Variants in AWAT1 observed in about 807,000 individuals in gnomAD.
The protein encoded by AWAT1 is diacyl-glycerol acyltransferase 2.
AWAT1 carries 26 observed loss-of-function variants against 21.6 expected under a neutral mutation model. The ratio of observed to expected loss-of-function variants is 1.20; its 90% CI spans 0.88 to 1.67. The LOEUF is 1.67. Ranked by LOEUF, AWAT1 falls within the 40% of genes most tolerant of loss-of-function variation. The pLI, the probability that AWAT1 is intolerant of heterozygous loss-of-function variation, is 0.00. For synonymous variants in AWAT1, 102 were observed against 99.3 expected, an observed-to-expected ratio of 1.03 and a Z score of -0.16; for missense variants, 264 against 249.4, an observed-to-expected ratio of 1.06 and a Z score of -0.39.
At position 70,239,774 on chromosome X, in the gene AWAT1, G is replaced by A. The variant is rs1471702792; in HGVS notation, c.672G>A (p.Glu224=). ...LVPTFTFGET[E]VYDQVLFHKD... ...CCACCTTCACTTTTGGGGAAACTGA[G>A]GTGTATGATCAGGTGCTGTTCCATA... The change falls in exon 6 of 7, where the codon GAG becomes GAA. Residue 224 remains glutamate, a synonymous_variant. Transcript: ENST00000374521. 4 of 1,211,458 alleles carry A rather than the reference G, an allele frequency of 3.3e-6. No individual in the cohort carries two copies. The Admixed American group carries it at 6.5e-5, about 20-fold the overall frequency.
intron 5 of AWAT1, among the ~76,000 whole-genome samples, chrX:70,238,830 C>T (rs1329817753): frequency 1.8e-5 from 2 of 112,324 alleles, no homozygotes; most frequent in African/African-American, 3.2e-5. Flanking sequence ...AGAACTGTAC[C>T]TACTCCATAG....
At position 70,237,244 on chromosome X, in the gene AWAT1, C is replaced by G. The variant is rs772863169; in HGVS notation, c.456C>G (p.Ala152=). Residue 152 remains alanine, a synonymous_variant, in exon 4 of 7, where the codon GCC becomes GCG. Transcript: ENST00000374521. ...KIPFVREYLM[A]KGVCSVSQPA... is the part of the protein sequence containing the mutation. ...CCTTTGTTAGGGAGTACCTCATGGC[C>G]AAAGGTGCTTCTGACCATACTTACT... 22 of 1,199,820 alleles carry G rather than the reference C, an allele frequency of 1.8e-5. No individual in the cohort carries two copies. The highest frequency in any genetic ancestry group is 1.9e-5 in the Non-Finnish European group (17 of 888,558).
chrX:70,239,965 T>C (rs749976162), intron 6 of AWAT1, 31 bp downstream of exon 6: 1 of 1,183,718 alleles, frequency 8.4e-7, no homozygotes, highest in African/African-American at 1.7e-5. Context: ...CAGTGCCACC[T>C]CAGGTTTCTC....
chrX:70,237,373 A>G (rs2085518741), intron 4 of AWAT1, 125 bp downstream of exon 4: 3 of 640,658 alleles, frequency 4.7e-6, no homozygotes, highest in Non-Finnish European at 4.8e-6. Flanking sequence ...AGTCAAAAGC[A>G]TATGTTCTAG....
At chrX:70,234,954 G>C (rs1043834373) in intron 1 of AWAT1, among the ~76,000 whole-genome samples, 183 bp downstream of exon 1, 3 of 109,028 alleles carry the variant, frequency 2.8e-5, no homozygotes, top group African/African-American at 1.0e-4. Context: ...ATGAGATAGA[G>C]CCCCAGGAGA....
chrX:70,239,594 C>T (rs986549823), intron 5 of AWAT1, 141 bp from the exon 6 acceptor site: 11 of 523,593 alleles, frequency 2.1e-5, no homozygotes, highest in Non-Finnish European at 2.9e-5. Flanking sequence ...ATAGGGAAAC[C>T]CTGTTTAGTG....
chrX:70,240,531 G>A lies in AWAT1; in HGVS notation c.*241G>A, dbSNP rs907436168. The A allele has an allele frequency of 2.7e-6, 1 of 370,270 alleles. No homozygotes were observed. Among genetic ancestry groups the A allele is most frequent in the African/African-American group, 2.5e-5 (1 of 39,677 alleles). The allele number at this position is 370,270 out of a possible 1,213,427, so 30.5% of individuals were successfully genotyped here. ...CCCTCATGCTGGGGCCTGATGCCTG[G>A]TCATCATTTGAGTCCTCTGGGACAC... is the stretch of plus-strand genomic sequence containing the variant. On this transcript the variant is annotated 3_prime_UTR_variant, in exon 7 of 7. Coordinates refer to ENST00000374521, the MANE Select transcript of AWAT1 (RefSeq NM_001013579.3).
chrX:70,234,662 T>G lies in AWAT1; in HGVS notation c.-34T>G. 1.7e-6 allele frequency: 2 copies of G among 1,175,663 alleles called. No homozygotes were observed. Among genetic ancestry groups the G allele is most frequent in the Non-Finnish European group, 2.3e-6 (2 of 863,508 alleles). ...GGCACCTTTGGTTGGAACACTGTTCTGAGATCTTTGCCTCCCTCAGGCTCC... is the reference window on the plus strand; with the variant it reads ...GGCACCTTTGGTTGGAACACTGTTCGGAGATCTTTGCCTCCCTCAGGCTCC... On this transcript the variant is annotated 5_prime_UTR_variant, in exon 1 of 7. Coordinates refer to ENST00000374521, the MANE Select transcript of AWAT1 (RefSeq NM_001013579.3).
rs2085518273 is a variant in AWAT1 at position 70,237,264 on chromosome X, C to T, written c.460+16C>T. 1 of 1,173,539 alleles carries T rather than the reference C, an allele frequency of 8.5e-7. No individual in the cohort carries two copies. The highest frequency in any genetic ancestry group is 1.8e-5 in the South Asian group (1 of 54,436). On this transcript the variant is annotated intron_variant, in intron 4 of 6. Transcript: ENST00000374521. Reference sequence around the variant, plus strand: ...ATGGCCAAAGGTGCTTCTGACCATACTTACTGGAGCTTCTGGTCCATGTTT... The same window carrying T: ...ATGGCCAAAGGTGCTTCTGACCATATTTACTGGAGCTTCTGGTCCATGTTT...
chrX:70,238,385 T>C lies in AWAT1; in HGVS notation c.632+2T>C. 8.4e-7 allele frequency: 1 copy of C among 1,185,149 alleles called. No homozygotes were observed. The highest frequency in any genetic ancestry group is 1.9e-5 in the South Asian group (1 of 53,869). On this transcript the variant is annotated splice_donor_variant, in intron 5 of 6. Coordinates refer to ENST00000374521, the MANE Select transcript of AWAT1 (RefSeq NM_001013579.3). LOFTEE classifies it high-confidence loss of function. ...CGTGCGCACAGCCCTCCAGCATGGG[T>C]AGGTGTTCCCCACAGAGGGGCAGTG...
intron 5 of AWAT1, among the ~76,000 whole-genome samples, chrX:70,239,171 C>G (rs1010102472): frequency 5.1e-5 from 5 of 97,742 alleles, no homozygotes; most frequent in Admixed American, 3.0e-4. Flanking sequence ...GAGTGGCCAT[C>G]CCTTTCTGAA....
chrX:70,236,558 T>C (rs1365879911), intron 3 of AWAT1, among the ~76,000 whole-genome samples: 1 of 111,608 alleles, frequency 9.0e-6, no homozygotes, highest in African/African-American at 3.3e-5. Context: ...AGGAAAGGCT[T>C]CACAGACATG....
intron 4 of AWAT1, 50 bp from the exon 5 acceptor site, chrX:70,238,162 C>T: frequency 8.8e-7 from 1 of 1,141,119 alleles, no homozygotes; most frequent in Non-Finnish European, 1.2e-6. Context: ...AGTGTTCCCT[C>T]TTAGCAATTT....
chrX:70,236,453 T>A (rs1019575386), intron 3 of AWAT1, among the ~76,000 whole-genome samples: 8 of 112,013 alleles, frequency 7.1e-5, no homozygotes, highest in African/African-American at 2.6e-4. Context: ...TGCAATTCTC[T>A]GCCATCGAGG....
Position 70,240,397 on chromosome X carries a change from G to C in AWAT1, c.*107G>C, listed in dbSNP as rs1411166557. 6 of 881,810 alleles carry C rather than the reference G, an allele frequency of 6.8e-6. No individual in the cohort carries two copies. Among genetic ancestry groups the C allele is most frequent in the Admixed American group, 2.9e-5 (1 of 34,766 alleles). The allele number at this position is 881,810 out of a possible 1,213,427, so 72.7% of individuals were successfully genotyped here. On this transcript the variant is annotated 3_prime_UTR_variant, in exon 7 of 7. Coordinates refer to ENST00000374521, the MANE Select transcript of AWAT1 (RefSeq NM_001013579.3). ...GAGATGAGGGAGGTTATATGTGGTAGGGGAGGGCATGAGGAATTCCTTCTT... is the reference window on the plus strand; with the variant it reads ...GAGATGAGGGAGGTTATATGTGGTACGGGAGGGCATGAGGAATTCCTTCTT...
chrX:70,236,416 G>A (rs929472834), intron 3 of AWAT1, among the ~76,000 whole-genome samples: 3 of 112,059 alleles, frequency 2.7e-5, no homozygotes, highest in Non-Finnish European at 3.8e-5. Flanking sequence ...TCTGAACCAC[G>A]TTAGCAGTAC....
chrX:70,237,916 A>G (rs1190463523), intron 4 of AWAT1, among the ~76,000 whole-genome samples: 1 of 103,344 alleles, frequency 9.7e-6, no homozygotes, highest in Non-Finnish European at 2.0e-5. Flanking sequence ...TGTTGCTCTT[A>G]ATGAAAAAAA....
chrX:70,238,315 T>C lies in AWAT1; in HGVS notation c.564T>C (p.Ser188=), dbSNP rs1253383598. The change falls in exon 5 of 7, where the codon AGT becomes AGC. Residue 188 remains serine, a synonymous_variant. Transcript: ENST00000374521. ...GAGGTGTGGGTGAGGCCCTGCAAAG[T>C]GTGCCCAACACCACCACCCTCATCC... The part of the protein sequence containing the change: ...VVGGVGEALQ[S]VPNTTTLILQ... The C allele has an allele frequency of 5.0e-6, 6 of 1,210,279 alleles. No homozygotes were observed. Among genetic ancestry groups the C allele is most frequent in the Middle Eastern group, 2.3e-4 (1 of 4,346 alleles).
chrX:70,235,214 G>A (rs1245515852), intron 1 of AWAT1, among the ~76,000 whole-genome samples: 2 of 110,897 alleles, frequency 1.8e-5, no homozygotes, highest in African/African-American at 6.6e-5. Context: ...GGTAGCATGC[G>A]GGAAGACAGT....
Sources: gnomAD v4.1 joint callset for allele counts (sites outside exome capture counted in the v4.1 genomes callset) on GRCh38, gnomAD v4.1.1 for gene constraint, MANE v1.5 for transcripts, NCBI Gene and HGNC (gene_info 2026-07-23, HGNC 2026-07-21) for gene names.